GRID1: variants seen among roughly 807,000 people sequenced by gnomAD.
GRID1 encodes glutamate ionotropic receptor delta type subunit 1.
A neutral mutation model predicts 98.0 loss-of-function variants in GRID1; 28 were observed. That is an observed-to-expected ratio of 0.29 (90% CI 0.21 to 0.39). The LOEUF (loss-of-function observed/expected upper bound fraction) is 0.39, where lower values mean the gene tolerates loss of function less well. Among genes scored for constraint, GRID1 ranks in the 10% least tolerant of loss-of-function variants. The pLI is 1.00. For synonymous variants in GRID1, 553 were observed against 538.5 expected, an observed-to-expected ratio of 1.03 and a Z score of -0.37; for missense variants, 1,111 against 1,340.5, an observed-to-expected ratio of 0.83 and a Z score of 2.67.
chr10:86,002,604 C>A, intron 4 of GRID1, among the ~76,000 whole-genome samples: 1 of 152,186 alleles, frequency 6.6e-6, no homozygotes, highest in Non-Finnish European at 1.5e-5. Flanking sequence ...AAATGTCTCT[C>A]CACTTACAAC....
intron 8 of GRID1, among the ~76,000 whole-genome samples, chr10:85,797,709 T>A (rs1448973732): frequency 6.6e-6 from 1 of 151,296 alleles, no homozygotes; most frequent in Non-Finnish European, 1.5e-5. Context: ...CCTTGGCCTC[T>A]CAGAGTGCTG....
At chr10:85,677,381 G>A (rs148633085) in intron 12 of GRID1, among the ~76,000 whole-genome samples, 223 of 152,286 alleles carry the variant, frequency 1.5e-3, no homozygotes, top group African/African-American at 4.9e-3. Context: ...CAGTTGAGGG[G>A]GAGTAGGGAT....
Position 86,299,867 on chromosome 10 carries a change from C to T in GRID1, c.235+64074G>A, listed in dbSNP as rs1050774984. Among the ~76,000 whole-genome samples, 8 of 152,244 alleles carry T rather than the reference C, an allele frequency of 5.3e-5. No individual in the cohort carries two copies. In the East Asian group the frequency reaches 9.7e-4, roughly 18 times the overall value. On this transcript the variant is annotated intron_variant, in intron 2 of 15. Coordinates refer to ENST00000327946, the MANE Select transcript of GRID1 (RefSeq NM_017551.3). ...AGTTAGTCTTGGGGACACTGAAATT[C>T]GGCACTGCTGACAATCTCCATGAGG... is the stretch of plus-strand genomic sequence containing the variant.
intron 13 of GRID1, among the ~76,000 whole-genome samples, chr10:85,621,540 AG>A (rs1169812396): frequency 6.6e-6 from 1 of 152,174 alleles, no homozygotes; most frequent in Non-Finnish European, 1.5e-5. Context: ...TTGTGGGCAG[AG>A]TGTGACCTCC....
At chr10:86,336,876 G>A (rs1237420630) in intron 2 of GRID1, among the ~76,000 whole-genome samples, 1 of 136,074 alleles carries the variant, frequency 7.3e-6, no homozygotes, top group Non-Finnish European at 1.5e-5. Context: ...ACGGAGTCTC[G>A]CTCTGTCGCC....
At chr10:86,035,274 A>T (rs1167228227) in intron 4 of GRID1, among the ~76,000 whole-genome samples, 1 of 152,194 alleles carries the variant, frequency 6.6e-6, no homozygotes, top group Non-Finnish European at 1.5e-5. Flanking sequence ...AACAGATGTT[A>T]TTCTTATTCG....
At chr10:85,839,533 T>C (rs1359002527) in intron 8 of GRID1, among the ~76,000 whole-genome samples, 1 of 152,070 alleles carries the variant, frequency 6.6e-6, no homozygotes, top group African/African-American at 2.4e-5. Context: ...TTCTGGTAAA[T>C]AATAATATTA....
At chr10:85,678,976 A>C (rs1478223799) in intron 12 of GRID1, among the ~76,000 whole-genome samples, 1 of 151,560 alleles carries the variant, frequency 6.6e-6, no homozygotes, top group Non-Finnish European at 1.5e-5. Flanking sequence ...TATTATAGGT[A>C]ATCTACACCT....
intron 4 of GRID1, among the ~76,000 whole-genome samples, chr10:85,989,428 C>T (rs1392412141): frequency 6.6e-6 from 1 of 152,174 alleles, no homozygotes; most frequent in Non-Finnish European, 1.5e-5. Flanking sequence ...CTCTGTTGAA[C>T]CCAATAGAGG....
intron 2 of GRID1, among the ~76,000 whole-genome samples, chr10:86,362,838 A>C (rs530817833): frequency 3.2e-4 from 49 of 152,332 alleles, no homozygotes; most frequent in Non-Finnish European, 5.0e-4. Context: ...CTTGAGGAGA[A>C]AACACCAGCC....
intron 12 of GRID1, among the ~76,000 whole-genome samples, chr10:85,721,537 A>G (rs983622305): frequency 6.6e-6 from 1 of 152,246 alleles, no homozygotes; most frequent in African/African-American, 2.4e-5. Flanking sequence ...GCAGTGAACT[A>G]CTAATACACA....
intron 8 of GRID1, among the ~76,000 whole-genome samples, chr10:85,731,996 A>G (rs1232333898): frequency 6.6e-6 from 1 of 152,108 alleles, no homozygotes; most frequent in East Asian, 1.9e-4. Context: ...TTGCATTAAG[A>G]TACAGAATTG....
Position 86,042,448 on chromosome 10 carries a change from G to T in GRID1, c.726+96371C>A, listed in dbSNP as rs138574206. ...ACCAGGAAGAGGGGCTTCACCAGGA[G>T]AGATAAAGCCCTACCTGAGCAGAGT... On this transcript the variant is annotated intron_variant, in intron 4 of 15. Transcript: ENST00000327946. Among the ~76,000 whole-genome samples the T allele has an allele frequency of 1.3e-3, 200 of 152,308 alleles. 1 individual carries two copies. Among genetic ancestry groups the T allele is most frequent in the African/African-American group, 4.3e-3 (180 of 41,556 alleles).
At chr10:85,992,538 T>G in intron 4 of GRID1, among the ~76,000 whole-genome samples, 2 of 143,810 alleles carry the variant, frequency 1.4e-5, no homozygotes, top group African/African-American at 2.6e-5. Context: ...AGATTGGAGG[T>G]GGGAGGAAAG....
chr10:85,686,000 G>T (rs181068233), intron 12 of GRID1, among the ~76,000 whole-genome samples: 2 of 151,932 alleles, frequency 1.3e-5, no homozygotes, highest in African/African-American at 4.8e-5. Flanking sequence ...AAAACCCATC[G>T]CATAAAGGTG....
intron 2 of GRID1, among the ~76,000 whole-genome samples, chr10:86,360,444 C>T (rs1321223217): frequency 6.6e-6 from 1 of 152,202 alleles, no homozygotes; most frequent in East Asian, 1.9e-4. Context: ...GCACACATTG[C>T]CCTTTTTCTT....
At position 86,101,322 on chromosome 10, in the gene GRID1, T is replaced by C. The variant is rs188410007; in HGVS notation, c.726+37497A>G. Among the ~76,000 whole-genome samples the C allele has an allele frequency of 2.0e-3, 308 of 152,358 alleles. 3 individuals are homozygous for C. The highest frequency in any genetic ancestry group is 2.2e-3 in the Non-Finnish European group (151 of 68,038). The stretch of plus-strand genomic sequence containing the variant: ...ACATAGCAAAATGCATTATTTTGAA[T>C]GTATAATCTTATGAGTTTTATAAAC... On this transcript the variant is annotated intron_variant, in intron 4 of 15. Coordinates refer to ENST00000327946, the MANE Select transcript of GRID1 (RefSeq NM_017551.3).
chr10:86,185,717 G>A (rs181659711), intron 3 of GRID1, among the ~76,000 whole-genome samples: 45 of 152,242 alleles, frequency 3.0e-4, no homozygotes, highest in African/African-American at 7.0e-4. Flanking sequence ...ATAATCATAC[G>A]TGTTTTCTTT....
intron 7 of GRID1, among the ~76,000 whole-genome samples, chr10:85,855,061 CAT>C (rs1843096365): frequency 6.6e-6 from 1 of 152,220 alleles, no homozygotes; most frequent in Non-Finnish European, 1.5e-5. Context: ...GGGCAGCAAA[CAT>C]GTGCATTGGA....
Sources: allele counts gnomAD v4.1 joint callset (sites outside exome capture counted in the v4.1 genomes callset), GRCh38; gene constraint gnomAD v4.1.1; transcripts MANE v1.5; gene names NCBI Gene and HGNC (gene_info 2026-07-23, HGNC 2026-07-21).